Variants in TMF1 observed in about 807,000 individuals in gnomAD.
TMF1 encodes the protein TATA element modulatory factor 1.
Under a neutral mutation model 126.5 loss-of-function variants are expected in TMF1, and 71 were observed. The ratio of observed to expected loss-of-function variants is 0.56; its 90% CI spans 0.46 to 0.68. TMF1 has a LOEUF of 0.68. Among genes scored for constraint, TMF1 ranks in the 30% least tolerant of loss-of-function variants. TMF1 has a pLI of 0.00. For synonymous variants in TMF1, 461 were observed against 430.5 expected, an observed-to-expected ratio of 1.07 and a Z score of -0.88; for missense variants, 1,259 against 1,253.2, an observed-to-expected ratio of 1.00 and a Z score of -0.07.
intron 2 of TMF1, among the ~76,000 whole-genome samples, chr3:69,045,497 A>T (rs1453716664): frequency 1.3e-5 from 2 of 150,856 alleles, no homozygotes; most frequent in African/African-American, 2.4e-5. Context: ...ATAAAAGTAG[A>T]GGCCGGGCAT....
At chr3:69,035,346 A>G in intron 8 of TMF1, 8 of 511,072 alleles carry the variant, frequency 1.6e-5, no homozygotes, top group Non-Finnish European at 2.8e-5. Flanking sequence ...AGAAACGCAA[A>G]CAAATATGTA....
rs1208846952 is a variant in TMF1 at position 69,052,264 on chromosome 3, A to C, written c.-178T>G. The C allele has an allele frequency of 3.4e-6, 2 of 585,044 alleles. No homozygotes were observed. The highest frequency in any genetic ancestry group is 5.7e-6 in the Non-Finnish European group (2 of 353,900). 36.2% of individuals were successfully genotyped at this position (585,044 alleles called of 1,614,324 possible). A position where few individuals can be genotyped will look rare whatever the true frequency, so the allele number is the denominator to read the frequency against. On this transcript the variant is annotated 5_prime_UTR_variant, in exon 1 of 17. Coordinates refer to ENST00000398559, the MANE Select transcript of TMF1 (RefSeq NM_007114.3). ...GGATGTTACCCTCGGCCGTTCCCGCACAGCTGAGACGAAGGGGGCCCATGT... is the reference window on the plus strand; with the variant it reads ...GGATGTTACCCTCGGCCGTTCCCGCCCAGCTGAGACGAAGGGGGCCCATGT...
chr3:69,025,330 C>G (rs2091762221), intron 15 of TMF1: 2 of 414,750 alleles, frequency 4.8e-6, no homozygotes, highest in African/African-American at 2.1e-5. Context: ...TGTGACAGAT[C>G]AGCCGAATAT....
chr3:69,042,739 T>A lies in TMF1; in HGVS notation c.1684+68A>T, dbSNP rs181626564. On this transcript the variant is annotated intron_variant, in intron 5 of 16. Transcript: ENST00000398559. ...GTATTTTTAATTAGGAAGCATCAGC[T>A]AGTTATGTGGCAAGTACTTTTCCTG... The A allele has an allele frequency of 2.9e-5, 37 of 1,269,846 alleles. No homozygotes were observed. In the South Asian group the frequency reaches 4.4e-4, roughly 15 times the overall value. 78.7% of individuals were successfully genotyped at this position (1,269,846 alleles called of 1,614,324 possible). A position where few individuals can be genotyped will look rare whatever the true frequency, so the allele number is the denominator to read the frequency against.
Sources: allele counts gnomAD v4.1 joint callset (sites outside exome capture counted in the v4.1 genomes callset), GRCh38; gene constraint gnomAD v4.1.1; transcripts MANE v1.5; gene names NCBI Gene and HGNC (gene_info 2026-07-23, HGNC 2026-07-21).